The following FKBP15 variants were observed in gnomAD, a reference collection of about 807,000 sequenced individuals.
The protein encoded by FKBP15 is FK506-binding protein 15.
In FKBP15, 106 loss-of-function variants were observed where a neutral mutation model predicts 158.1. The ratio of observed to expected loss-of-function variants is 0.67; its 90% confidence interval spans 0.57 to 0.79. The LOEUF (loss-of-function observed/expected upper bound fraction) is 0.79, where lower values mean the gene tolerates loss of function less well. Ranked by LOEUF, FKBP15 falls within the 30% of genes least tolerant of loss-of-function variation. FKBP15 has a pLI of 0.00. For synonymous variants in FKBP15, 547 were observed against 548.6 expected, an observed-to-expected ratio of 1.00 and a Z score of 0.04; for missense variants, 1,287 against 1,479.1, an observed-to-expected ratio of 0.87 and a Z score of 2.13.
chr9:113,176,566 G>C lies in FKBP15; in HGVS notation c.2194C>G (p.Leu732Val). Reference sequence around the variant, plus strand: ...TCCAAGGACTCCTTCTCAACTCGAAGGTCAGTCAGTTCCTCCTCCAGGGAT... The same window carrying C: ...TCCAAGGACTCCTTCTCAACTCGAACGTCAGTCAGTTCCTCCTCCAGGGAT... ...VTSLEEELTD[L>V]RVEKESLEKN... The change falls in exon 21 of 28, where the codon CTT becomes GTT. Residue 732 changes from leucine to valine, a missense_variant. Transcript: ENST00000238256. 6.4e-7 allele frequency: 1 copy of C among 1,564,208 alleles called. No homozygotes were observed. Among genetic ancestry groups the C allele is most frequent in the Non-Finnish European group, 8.7e-7 (1 of 1,152,194 alleles).
chr9:113,191,229 G>A (rs954197434), intron 11 of FKBP15, among the ~76,000 whole-genome samples: 1 of 151,604 alleles, frequency 6.6e-6, no homozygotes, highest in Non-Finnish European at 1.5e-5. Flanking sequence ...TTGGAGTGCA[G>A]TGGCGTGATC....
chr9:113,183,950 A>T, intron 17 of FKBP15, 105 bp from the exon 18 acceptor site: 1 of 805,252 alleles, frequency 1.2e-6, no homozygotes, highest in Non-Finnish European at 2.1e-6. Context: ...ACATGTTTTG[A>T]GACAAAACAC....
In FKBP15 at chr9:113,211,933, C is replaced by G. The variant is rs557846902; in HGVS notation, c.54-341G>C. Among the ~76,000 whole-genome samples the G allele has an allele frequency of 2.0e-5, 3 of 152,274 alleles. No individual in the cohort carries two copies. The South Asian group carries it at 6.2e-4, about 32-fold the overall frequency. ...CTGAAGTGACTAGTTCAGGTGCTCT[C>G]TATGGTATCTTCAAACTGTAAATTC... On this transcript the variant is annotated intron_variant, in intron 1 of 27. Coordinates refer to ENST00000238256, the MANE Select transcript of FKBP15 (RefSeq NM_015258.2).
chr9:113,206,683 T>C, intron 3 of FKBP15, 105 bp from the exon 4 acceptor site: 2 of 562,274 alleles, frequency 3.6e-6, no homozygotes, highest in Non-Finnish European at 6.0e-6. Flanking sequence ...ATTCAGCCTC[T>C]AGGCAGGGAC....
chr9:113,188,987 T>C (rs1830530004), intron 12 of FKBP15, among the ~76,000 whole-genome samples: 1 of 152,208 alleles, frequency 6.6e-6, no homozygotes, highest in African/African-American at 2.4e-5. Flanking sequence ...TTTTGGATAA[T>C]ATAGTTTTAG....
rs1185067265 is a variant in FKBP15, at chr9:113,162,015, A to G, written c.*4063T>C. ...CCCTCCCCCAAATCTCACCAGTTCC[A>G]TGGGTCACTAGGCTCCCATATCCAG... is the stretch of plus-strand genomic sequence containing the variant. On this transcript the variant is annotated 3_prime_UTR_variant, in exon 28 of 28. Transcript: ENST00000238256. 5 of 435,048 alleles carry G rather than the reference A, an allele frequency of 1.1e-5. No homozygotes were observed. Among genetic ancestry groups the G allele is most frequent in the East Asian group, 5.5e-5 (1 of 18,270 alleles). The allele number at this position is 435,048 out of a possible 1,614,324, so 26.9% of individuals were successfully genotyped here.
Position 113,162,998 on chromosome 9 carries a change from C to A in FKBP15, c.*3080G>T. 1 of 1,259,906 alleles carries A rather than the reference C, an allele frequency of 7.9e-7. No individual in the cohort carries two copies. The allele number at this position is 1,259,906 out of a possible 1,614,324, so 78.0% of individuals were successfully genotyped here. Reference sequence around the variant, plus strand: ...GACACTATACTTCCAACTGCCCTTTCTTCTGATGGCTATTCCTCCACCTTA... The same window carrying A: ...GACACTATACTTCCAACTGCCCTTTATTCTGATGGCTATTCCTCCACCTTA... On this transcript the variant is annotated 3_prime_UTR_variant, in exon 28 of 28. Coordinates refer to ENST00000238256, the MANE Select transcript of FKBP15 (RefSeq NM_015258.2).
intron 20 of FKBP15, 71 bp from the exon 21 acceptor site, chr9:113,176,744 CTCTT>C: frequency 6.7e-7 from 1 of 1,498,088 alleles, no homozygotes; most frequent in Non-Finnish European, 9.0e-7. Flanking sequence ...ATCCCAGCAG[CTCTT>C]TTTTTAAATT....
intron 21 of FKBP15, 62 bp downstream of exon 21, chr9:113,176,475 A>C: frequency 6.6e-7 from 1 of 1,505,388 alleles, no homozygotes; most frequent in Non-Finnish European, 8.9e-7. Flanking sequence ...TGTAATTTGT[A>C]AAAGGAAAAT....
Position 113,198,303 on chromosome 9 carries a change from T to C in FKBP15, c.717+552A>G, listed in dbSNP as rs564953093. Among the ~76,000 whole-genome samples, 8 of 152,312 alleles carry C rather than the reference T, an allele frequency of 5.3e-5. No individual in the cohort carries two copies. The highest frequency in any genetic ancestry group is 1.9e-4 in the East Asian group (1 of 5,192). ...GGATGAAATAATATTCTCAGAGTCATAGAATGGAAAAGAAAAGGTCAGGAC... is the reference window on the plus strand; with the variant it reads ...GGATGAAATAATATTCTCAGAGTCACAGAATGGAAAAGAAAAGGTCAGGAC... On this transcript the variant is annotated intron_variant, in intron 8 of 27. Coordinates refer to ENST00000238256, the MANE Select transcript of FKBP15 (RefSeq NM_015258.2). The surrounding 1 kb of genome is among the most constrained non-coding windows in gnomAD (Gnocchi z 5.2).
intron 1 of FKBP15, among the ~76,000 whole-genome samples, chr9:113,215,996 G>A (rs940931516): frequency 1.3e-5 from 2 of 149,758 alleles, no homozygotes; most frequent in South Asian, 2.1e-4. Flanking sequence ...AATGTGACAC[G>A]GAGACACGAA....
intron 8 of FKBP15, 146 bp from the exon 9 acceptor site, chr9:113,197,224 G>C (rs1830704315): frequency 1.2e-6 from 1 of 865,542 alleles, no homozygotes; most frequent in South Asian, 1.8e-5. Context: ...GCCCCATGTT[G>C]GTATAAGAAT....
chr9:113,169,543 A>G lies in FKBP15; in HGVS notation c.3166T>C (p.Ser1056Pro). 1 of 1,614,028 alleles carries G rather than the reference A, an allele frequency of 6.2e-7. No individual in the cohort carries two copies. Among genetic ancestry groups the G allele is most frequent in the Non-Finnish European group, 8.5e-7 (1 of 1,179,884 alleles). Reference sequence around the variant, plus strand: ...GCAGCAAGTGACTCCTCACACTCAGAGTCCATGGATACAGGGCCTAGGGGC... The same window carrying G: ...GCAGCAAGTGACTCCTCACACTCAGGGTCCATGGATACAGGGCCTAGGGGC... ...PEPLGPVSMD[S>P]ECEESLAASP... is the part of the protein sequence containing the mutation. Residue 1056 changes from serine (S) to proline (P), a missense_variant, in exon 26 of 28, where the codon TCT becomes CCT. By Grantham distance (74) the Ser-to-Pro change is moderately conservative. Coordinates refer to ENST00000238256, the MANE Select transcript of FKBP15 (RefSeq NM_015258.2).
chr9:113,162,572 G>GT lies in FKBP15; in HGVS notation c.*3505dup, dbSNP rs528723139. ...ATGTCTCTTTAAAAATAAATCTCGA[G>GT]TTTTTTCTGGGGGCGGGGGTGGGAG... On this transcript the variant is annotated 3_prime_UTR_variant, in exon 28 of 28. Transcript: ENST00000238256. 774 of 457,736 alleles carry GT rather than the reference G, an allele frequency of 1.7e-3. 7 individuals are homozygous for GT. In the African/African-American group the frequency reaches 0.021, roughly 12 times the overall value. The allele number at this position is 457,736 out of a possible 1,614,324, so 28.4% of individuals were successfully genotyped here.
chr9:113,194,697 C>T (rs1830638065), intron 9 of FKBP15, among the ~76,000 whole-genome samples: 1 of 152,116 alleles, frequency 6.6e-6, no homozygotes, highest in South Asian at 2.1e-4. Flanking sequence ...CTGTTTTGCT[C>T]ACTCACTGAC....
Position 113,178,662 on chromosome 9 carries a change from C to A in FKBP15, c.2054G>T (p.Gly685Val), listed in dbSNP as rs200512984. 2 of 1,610,074 alleles carry A rather than the reference C, an allele frequency of 1.2e-6. No homozygotes were observed. The highest frequency in any genetic ancestry group is 1.1e-5 in the South Asian group (1 of 90,026). ...ESLKETDLLRGQLTKVQAKLS... is the reference protein window; with the variant it reads ...ESLKETDLLRVQLTKVQAKLS... ...CTTTGCCTGCACTTTGGTGAGCTGGCCCCTGAGAAGATCTGTCTCCTTCAG... is the reference window on the plus strand; with the variant it reads ...CTTTGCCTGCACTTTGGTGAGCTGGACCCTGAGAAGATCTGTCTCCTTCAG... Residue 685 changes from glycine (G) to valine (V), a missense_variant, in exon 20 of 28, where the codon GGC (glycine) becomes GTC (valine). Transcript: ENST00000238256.
At position 113,170,498 on chromosome 9, in the gene FKBP15, C is replaced by T. The variant is rs1172069561; in HGVS notation, c.2766+24G>A. ...CAACAAAATGCCCAATACGATGAAA[C>T]AAATGACAGCTGGCTGGCTGTACCT... On this transcript the variant is annotated intron_variant, in intron 25 of 27. Coordinates refer to ENST00000238256, the MANE Select transcript of FKBP15 (RefSeq NM_015258.2). The T allele has an allele frequency of 7.8e-6, 12 of 1,528,864 alleles. No individual in the cohort carries two copies. In the Admixed American group the frequency reaches 1.2e-4, roughly 15 times the overall value. 94.7% of individuals were successfully genotyped at this position (1,528,864 alleles called of 1,614,324 possible).
At position 113,162,533 on chromosome 9, in the gene FKBP15, A is replaced by G; in HGVS notation, c.*3545T>C. The G allele has an allele frequency of 2.5e-6, 1 of 401,136 alleles. No homozygotes were observed. The highest frequency in any genetic ancestry group is 4.3e-6 in the Non-Finnish European group (1 of 230,334). The allele number at this position is 401,136 out of a possible 1,614,324, so 24.8% of individuals were successfully genotyped here. On this transcript the variant is annotated 3_prime_UTR_variant, in exon 28 of 28. Coordinates refer to ENST00000238256, the MANE Select transcript of FKBP15 (RefSeq NM_015258.2). ...TAGGATGCCAGGAAGCTTGAAACCA[A>G]ATGTAGTGAAGATATGTCTCTTTAA...
chr9:113,174,549 T>G lies in FKBP15; in HGVS notation c.2258A>C (p.Glu753Ala). 6.2e-7 allele frequency: 1 copy of G among 1,614,002 alleles called. No homozygotes were observed. Among genetic ancestry groups the G allele is most frequent in the Non-Finnish European group, 8.5e-7 (1 of 1,179,884 alleles). ...TATCTCCTCCTCGGCCTGAGAACGC[T>G]CTTGAGCTGACTTCTTTTTCCTTTC... ...LSERKKKSAQ[E>A]RSQAEEEIDE... is the part of the protein sequence containing the mutation. Residue 753 changes from glutamate to alanine, a missense_variant, in exon 22 of 28, where the codon GAG becomes GCG. By Grantham distance (107) the Glu-to-Ala change is moderately radical. Coordinates refer to ENST00000238256, the MANE Select transcript of FKBP15 (RefSeq NM_015258.2).
Sources: gnomAD v4.1 joint callset for allele counts (sites outside exome capture counted in the v4.1 genomes callset) on GRCh38, gnomAD v4.1.1 for gene constraint, Gnocchi (gnomAD v3.1) non-coding constraint, MANE v1.5 for transcripts, NCBI Gene and HGNC (gene_info 2026-07-23, HGNC 2026-07-21) for gene names.